UBR3: variants seen among roughly 807,000 people sequenced by gnomAD.
The protein encoded by UBR3 is E3 ubiquitin-protein ligase UBR3.
A neutral mutation model predicts 243.2 loss-of-function variants in UBR3; 85 were observed. The ratio of observed to expected loss-of-function variants is 0.35; its 90% CI spans 0.29 to 0.42. The LOEUF (loss-of-function observed/expected upper bound fraction) is 0.42, where lower values mean the gene tolerates loss of function less well. UBR3 is among the 10% of genes least tolerant of loss of function. The probability of loss-of-function intolerance (pLI) is 1.00; values close to 1 mark genes in which losing one functional copy is unlikely to be tolerated. For missense variants in UBR3, 1,686 were observed against 2,300.8 expected (o/e 0.73, Z 5.47); for synonymous variants, 748 against 799.8 (o/e 0.94, Z 1.09).
intron 1 of UBR3, among the ~76,000 whole-genome samples, chr2:169,856,810 A>C (rs1178190350): frequency 8.3e-6 from 1 of 120,520 alleles, no homozygotes; most frequent in Admixed American, 1.1e-4. Flanking sequence ...TTGGCATCAG[A>C]GGGAGACCGT....
intron 26 of UBR3, 42 bp downstream of exon 26, chr2:169,994,498 G>A (rs772784166): frequency 2.6e-6 from 4 of 1,566,052 alleles, no homozygotes; most frequent in East Asian, 4.5e-5. Context: ...CTGCCAAGTT[G>A]ATGGTTATTT....
At chr2:169,850,920 C>T (rs1236316620) in intron 1 of UBR3, among the ~76,000 whole-genome samples, 1 of 151,632 alleles carries the variant, frequency 6.6e-6, no homozygotes, top group Non-Finnish European at 1.5e-5. Context: ...AAGAGAAAAA[C>T]ATAATAAAAA....
intron 32 of UBR3, among the ~76,000 whole-genome samples, chr2:170,049,312 G>A (rs2091163274): frequency 6.6e-6 from 1 of 152,210 alleles, no homozygotes; most frequent in Non-Finnish European, 1.5e-5. Context: ...TTAAGTGGAA[G>A]TGGATCATCA....
intron 33 of UBR3, among the ~76,000 whole-genome samples, chr2:170,058,050 A>C (rs1439423915): frequency 6.6e-6 from 1 of 152,198 alleles, no homozygotes; most frequent in Non-Finnish European, 1.5e-5. Context: ...GAACCCATCC[A>C]TCATGGAAAC....
rs1055784259 is a variant in UBR3, at chr2:170,038,971, A to C, written c.4557-1911A>C. On this transcript the variant is annotated intron_variant, in intron 31 of 38. Transcript: ENST00000272793. The stretch of plus-strand genomic sequence containing the variant: ...GCCTGTTAGATATACAAGCGGAAGT[A>C]ATGGATATTCAGATAGAGAGTTCGA... Among the ~76,000 whole-genome samples the C allele has an allele frequency of 8.5e-5, 13 of 152,210 alleles. No homozygotes were observed. The East Asian group carries it at 2.5e-3, about 29-fold the overall frequency.
chr2:169,849,521 T>G (rs1331262958), intron 1 of UBR3, among the ~76,000 whole-genome samples: 4 of 152,148 alleles, frequency 2.6e-5, no homozygotes, highest in Non-Finnish European at 4.4e-5. Flanking sequence ...TCTTGAACTC[T>G]TGACCTCAAG....
chr2:170,041,062 G>C (rs909288807), intron 32 of UBR3, 77 bp downstream of exon 32: 1 of 1,398,332 alleles, frequency 7.2e-7, no homozygotes, highest in African/African-American at 1.4e-5. Context: ...AGACAAATAG[G>C]CTGGGTGTGG....
intron 1 of UBR3, among the ~76,000 whole-genome samples, chr2:169,860,079 T>G (rs1352162635): frequency 1.3e-5 from 2 of 152,214 alleles, no homozygotes; most frequent in Non-Finnish European, 2.9e-5. Flanking sequence ...TCCATCATTA[T>G]GCTTTCATTC....
Position 169,866,150 on chromosome 2 carries a change from C to CAAA in UBR3, c.546-6058_546-6056dup, listed in dbSNP as rs578054467. On this transcript the variant is annotated intron_variant, in intron 1 of 38. Transcript: ENST00000272793. ...TGGGCAACAGAGCGAGACTGTGTCT[C>CAAA]AAAAAAAAAAAAAAAAAAAAAAAAA... 9.8e-3 allele frequency among the ~76,000 whole-genome samples: 524 copies of CAAA among 53,368 alleles called. 73 individuals are homozygous for CAAA. Among genetic ancestry groups the CAAA allele is most frequent in the Admixed American group, 0.021 (71 of 3,350 alleles). The allele number at this position is 53,368 out of a possible 152,430, so 35.0% of individuals were successfully genotyped here.
intron 27 of UBR3, among the ~76,000 whole-genome samples, chr2:170,004,715 A>C (rs949388140): frequency 6.6e-6 from 1 of 152,028 alleles, no homozygotes; most frequent in Non-Finnish European, 1.5e-5. Context: ...GTTCGAGACC[A>C]GCCTGGCCAA....
At chr2:169,871,391 C>A (rs1448325008) in intron 1 of UBR3, among the ~76,000 whole-genome samples, 3 of 137,520 alleles carry the variant, frequency 2.2e-5, no homozygotes, top group Non-Finnish European at 4.7e-5. Flanking sequence ...ATGTGAGTGA[C>A]AAAGCGAGAC....
chr2:170,078,360 G>A, intron 36 of UBR3: 1 of 262,784 alleles, frequency 3.8e-6, no homozygotes, highest in South Asian at 4.2e-5. Context: ...ACCCACGAGT[G>A]AACTCCACAC....
chr2:170,015,336 G>T lies in UBR3; in HGVS notation c.4423G>T (p.Ala1475Ser). Residue 1475 changes from alanine (A) to serine (S), a missense_variant, in exon 30 of 39, where the codon GCA (alanine) becomes TCA (serine). This residue lies in a region of UBR3 where 371 missense variants were observed against 422.5 expected (regional missense o/e 0.88). Coordinates refer to ENST00000272793, the MANE Select transcript of UBR3 (RefSeq NM_172070.4). ...HRGGNLCSGG[A>S]STAGKRSCLN... ...AGGAGGCAATTTGTGTTCAGGTGGT[G>T]CAAGCACAGCTGGCAAAAGGTCTTG... is the stretch of plus-strand genomic sequence containing the variant. The T allele has an allele frequency of 6.2e-7, 1 of 1,611,844 alleles. No individual in the cohort carries two copies. Among genetic ancestry groups the T allele is most frequent in the Non-Finnish European group, 8.5e-7 (1 of 1,178,746 alleles).
intron 35 of UBR3, among the ~76,000 whole-genome samples, chr2:170,067,479 A>C (rs2091598127): frequency 6.6e-6 from 1 of 152,202 alleles, no homozygotes; most frequent in African/African-American, 2.4e-5. Context: ...ATCAACTAGG[A>C]TAAAAGAGAC....
intron 36 of UBR3, chr2:170,077,849 G>A (rs868670877): frequency 3.1e-6 from 1 of 325,212 alleles, no homozygotes; most frequent in South Asian, 4.0e-5. Flanking sequence ...GCCTCCCAAA[G>A]TTCTGGGATT....
chr2:170,071,069 A>G (rs752212137), intron 35 of UBR3, among the ~76,000 whole-genome samples: 2 of 152,224 alleles, frequency 1.3e-5, no homozygotes, highest in Admixed American at 6.5e-5. Context: ...ATCACAAGTG[A>G]TAATACCAAG....
chr2:170,012,424 T>C (rs762564132), intron 29 of UBR3, among the ~76,000 whole-genome samples: 1 of 152,292 alleles, frequency 6.6e-6, no homozygotes, highest in Admixed American at 6.5e-5. Context: ...ATAGTCCCTG[T>C]TCTCCATGAA....
chr2:169,855,770 A>G (rs1201989526), intron 1 of UBR3, among the ~76,000 whole-genome samples: 8 of 152,190 alleles, frequency 5.3e-5, no homozygotes, highest in Non-Finnish European at 1.2e-4. Flanking sequence ...CACAGTAACA[A>G]TCCGATCTCT....
At chr2:169,934,971 A>C (rs2086268991) in intron 19 of UBR3, among the ~76,000 whole-genome samples, 2 of 152,162 alleles carry the variant, frequency 1.3e-5, no homozygotes, top group Admixed American at 1.3e-4. Flanking sequence ...TAAGCGAGTG[A>C]AAGTGGCTCA....
Sources: allele counts gnomAD v4.1 joint callset (sites outside exome capture counted in the v4.1 genomes callset), GRCh38; gene constraint gnomAD v4.1.1; regional missense constraint gnomAD v4.1.1; transcripts MANE v1.5; gene names NCBI Gene and HGNC (gene_info 2026-07-23, HGNC 2026-07-21).